TEX14: variants seen among roughly 807,000 people sequenced by gnomAD.
TEX14 encodes inactive serine/threonine-protein kinase TEX14.
In TEX14, 168 loss-of-function variants were observed where a neutral mutation model predicts 178.6. The observed-to-expected ratio is 0.94, with a 90% CI of 0.83 to 1.07. The LOEUF (loss-of-function observed/expected upper bound fraction) is 1.07. Ranked by LOEUF, TEX14 falls within the 50% of genes least tolerant of loss-of-function variation. TEX14 has a pLI of 0.00. For missense variants in TEX14, 1,730 were observed against 1,753.6 expected (o/e 0.99, Z 0.24); for synonymous variants, 626 against 634.1 (o/e 0.99, Z 0.19).
chr17:58,656,606 T>C (rs1448323927), intron 1 of TEX14, among the ~76,000 whole-genome samples: 1 of 151,068 alleles, frequency 6.6e-6, no homozygotes, highest in East Asian at 1.9e-4. Flanking sequence ...CTACAAAAAT[T>C]AGCCATGTGT....
intron 14 of TEX14, among the ~76,000 whole-genome samples, chr17:58,597,391 C>T (rs781137054): frequency 8.6e-5 from 13 of 151,880 alleles, no homozygotes; most frequent in Middle Eastern, 3.4e-3. Context: ...AGAGTGAGAC[C>T]CTATCTCAAA....
chr17:58,641,481 TC>T (rs2046574582), intron 2 of TEX14, among the ~76,000 whole-genome samples: 1 of 120,580 alleles, frequency 8.3e-6, no homozygotes, highest in Non-Finnish European at 1.6e-5. Context: ...TCTTTCTTTC[TC>T]TTTTATTTAT....
At chr17:58,587,843 A>AG in intron 16 of TEX14, 53 bp downstream of exon 16, 27 of 1,118,774 alleles carry the variant, frequency 2.4e-5, no homozygotes, top group Non-Finnish European at 3.3e-5. Flanking sequence ...GGGTGCCAGA[A>AG]CCCACCCCCA....
At chr17:58,616,409 A>G in intron 6 of TEX14, 104 bp from the exon 7 acceptor site, 1 of 1,459,158 alleles carries the variant, frequency 6.9e-7, no homozygotes, top group South Asian at 1.4e-5. Flanking sequence ...GCTATTTATC[A>G]ACTTTCTGAA....
intron 11 of TEX14, among the ~76,000 whole-genome samples, chr17:58,603,371 C>T (rs2067253031): frequency 1.3e-5 from 2 of 150,996 alleles, no homozygotes; most frequent in South Asian, 4.2e-4. Flanking sequence ...CTGGCCAACA[C>T]AGTGAAATCC....
chr17:58,572,277 C>T, intron 23 of TEX14, 151 bp from the exon 24 acceptor site: 3 of 556,016 alleles, frequency 5.4e-6, no homozygotes, highest in Non-Finnish European at 9.5e-6. Context: ...AACAAACAAA[C>T]AAACAAAACA....
At position 58,587,485 on chromosome 17, in the gene TEX14, T is replaced by C. The variant is rs924435443; in HGVS notation, c.2788+96A>G. 19 of 745,062 alleles carry C rather than the reference T, an allele frequency of 2.6e-5. No homozygotes were observed. In the East Asian group the frequency reaches 4.7e-4, roughly 19 times the overall value. The allele number at this position is 745,062 out of a possible 1,614,324, so 46.2% of individuals were successfully genotyped here. ...AGAAGGACATTGCTATGGTTCTAAA[T>C]GTGCAACACAGGTTGTGTACTTAGA... is the stretch of plus-strand genomic sequence containing the variant. On this transcript the variant is annotated intron_variant, in intron 17 of 31. Coordinates refer to ENST00000349033, the MANE Select transcript of TEX14 (RefSeq NM_031272.5).
Position 58,601,762 on chromosome 17 carries a change from C to A in TEX14, c.1678+44G>T, listed in dbSNP as rs777879975. 3 of 1,579,956 alleles carry A rather than the reference C, an allele frequency of 1.9e-6. No individual in the cohort carries two copies. The Admixed American group carries it at 5.1e-5, about 27-fold the overall frequency. ...GTTGCAGCTCATGTGACTCTCAGAA[C>A]ACATTTGTGTCAAACTAACACAACC... On this transcript the variant is annotated intron_variant, in intron 13 of 31. Coordinates refer to ENST00000349033, the MANE Select transcript of TEX14 (RefSeq NM_031272.5).
At chr17:58,624,152 G>C (rs2046075474) in intron 3 of TEX14, among the ~76,000 whole-genome samples, 1 of 151,854 alleles carries the variant, frequency 6.6e-6, no homozygotes, top group Non-Finnish European at 1.5e-5. Flanking sequence ...GGCGTAGGTG[G>C]TGCATACCTG....
intron 14 of TEX14, among the ~76,000 whole-genome samples, chr17:58,597,370 G>A (rs1212535740): frequency 1.3e-5 from 2 of 152,088 alleles, no homozygotes; most frequent in Non-Finnish European, 2.9e-5. Context: ...CTGTACTCCG[G>A]CCTGGGCAAC....
At chr17:58,623,683 G>C (rs1246059833) in intron 3 of TEX14, among the ~76,000 whole-genome samples, 1 of 151,810 alleles carries the variant, frequency 6.6e-6, no homozygotes, top group Non-Finnish European at 1.5e-5. Context: ...AGAATCACCA[G>C]GGAACTTTCT....
At chr17:58,561,340 C>T (rs564791527) in intron 29 of TEX14, among the ~76,000 whole-genome samples, 180 bp downstream of exon 29, 1 of 152,322 alleles carries the variant, frequency 6.6e-6, no homozygotes, top group African/African-American at 2.4e-5. Context: ...TAATCAATAT[C>T]TTGAGTACTG....
rs765978373 is a variant in TEX14, at chr17:58,630,477, C to T, written c.214G>A (p.Val72Ile). The T allele has an allele frequency of 9.9e-6, 16 of 1,613,864 alleles. No homozygotes were observed. The highest frequency in any genetic ancestry group is 2.2e-5 in the South Asian group (2 of 91,084). The change falls in exon 3 of 32, where the codon GTT becomes ATT. Residue 72 changes from valine (V) to isoleucine (I), a missense_variant. Coordinates refer to ENST00000349033, the MANE Select transcript of TEX14 (RefSeq NM_031272.5). ...VAALLGLRKF[V>I]DVLVDYGSDP... ...GATCCATAATCCACCAGAACATCAA[C>T]GAATTTCCTAAGGCCCAATAACGCC...
intron 2 of TEX14, among the ~76,000 whole-genome samples, chr17:58,646,246 G>A (rs188116268): frequency 6.6e-6 from 1 of 152,230 alleles, no homozygotes; most frequent in East Asian, 1.9e-4. Flanking sequence ...ACAAAAGAAG[G>A]CAGGAAAGAG....
chr17:58,661,026 G>C (rs1395627521), intron 1 of TEX14: 1 of 1,148,286 alleles, frequency 8.7e-7, no homozygotes, highest in Admixed American at 1.7e-5. Context: ...TAATATTCAC[G>C]AACACGCTCA....
At chr17:58,587,141 G>A (rs1023815946) in intron 17 of TEX14, among the ~76,000 whole-genome samples, 1 of 152,134 alleles carries the variant, frequency 6.6e-6, no homozygotes, top group African/African-American at 2.4e-5. Flanking sequence ...GTATGGTGAT[G>A]TATTTGTGAC....
intron 2 of TEX14, among the ~76,000 whole-genome samples, chr17:58,646,638 C>A (rs958501879): frequency 6.6e-6 from 1 of 152,142 alleles, no homozygotes; most frequent in African/African-American, 2.4e-5. Flanking sequence ...GCTTGGTCAA[C>A]TCCTCTTCTT....
intron 2 of TEX14, among the ~76,000 whole-genome samples, chr17:58,638,555 T>G (rs931546149): frequency 6.6e-6 from 1 of 152,138 alleles, no homozygotes; most frequent in African/African-American, 2.4e-5. Flanking sequence ...CTTTTTTTTC[T>G]GAGACGGAGT....
intron 1 of TEX14, among the ~76,000 whole-genome samples, chr17:58,682,379 T>C (rs1052176414): frequency 2.6e-5 from 4 of 151,846 alleles, no homozygotes; most frequent in African/African-American, 9.7e-5. Context: ...TGCCTCAGCC[T>C]CCTGAGTAGC....
Sources: gnomAD v4.1 joint callset for allele counts (sites outside exome capture counted in the v4.1 genomes callset) on GRCh38, gnomAD v4.1.1 for gene constraint, MANE v1.5 for transcripts, NCBI Gene and HGNC (gene_info 2026-07-23, HGNC 2026-07-21) for gene names.